Variants in ASIC2 observed in about 807,000 individuals in gnomAD.
The protein encoded by ASIC2 is acid-sensing ion channel 2.
A neutral mutation model predicts 57.3 loss-of-function variants in ASIC2; 25 were observed. The observed-to-expected ratio is 0.44, with a 90% confidence interval of 0.32 to 0.61. The LOEUF (loss-of-function observed/expected upper bound fraction) is 0.61. Ranked by LOEUF, ASIC2 falls within the 20% of genes least tolerant of loss-of-function variation. The pLI is 0.06. For synonymous variants in ASIC2, 319 were observed against 307.5 expected (o/e 1.04, Z -0.39); for missense variants, 641 against 738.1 (o/e 0.87, Z 1.52).
At chr17:34,023,860 T>C (rs554260517) in intron 1 of ASIC2, among the ~76,000 whole-genome samples, 26 of 152,340 alleles carry the variant, frequency 1.7e-4, no homozygotes, top group African/African-American at 6.0e-4. Context: ...AGTTCTTTAC[T>C]GGGTAAATGT....
chr17:33,896,385 G>T (rs1401476001), intron 1 of ASIC2, among the ~76,000 whole-genome samples: 3 of 152,146 alleles, frequency 2.0e-5, no homozygotes, highest in South Asian at 4.1e-4. Flanking sequence ...ATGTTTTTTT[G>T]GGGGGAATCT....
At chr17:33,580,211 A>G (rs552062487) in intron 1 of ASIC2, 2 of 152,134 alleles carry the variant, frequency 1.3e-5, no homozygotes, top group Non-Finnish European at 2.9e-5. Context: ...ATTCAGATGG[A>G]TATCAATTCC....
chr17:33,595,247 AG>A (rs1904946085), intron 1 of ASIC2, among the ~76,000 whole-genome samples: 1 of 152,216 alleles, frequency 6.6e-6, no homozygotes, highest in Non-Finnish European at 1.5e-5. Context: ...AAATTAAAAA[AG>A]GTAGAATTGA....
At chr17:33,552,143 C>T (rs569677750) in intron 1 of ASIC2, among the ~76,000 whole-genome samples, 3 of 152,298 alleles carry the variant, frequency 2.0e-5, no homozygotes, top group Non-Finnish European at 4.4e-5. Context: ...AGAGAGTTAA[C>T]GAATTTGAAG....
chr17:33,388,419 C>T (rs1212502069), intron 1 of ASIC2, among the ~76,000 whole-genome samples: 1 of 152,192 alleles, frequency 6.6e-6, no homozygotes, highest in Non-Finnish European at 1.5e-5. Context: ...ACAGTTTTCA[C>T]CTTTGTAGAA....
chr17:33,418,084 A>G lies in ASIC2; in HGVS notation c.556-306017T>C, dbSNP rs186626634. ...TGTGTGTGTGTGTGTGTGTGCAGCC[A>G]TGCTCCAGTGTGACTGTCAAGCACA... On this transcript the variant is annotated intron_variant, in intron 1 of 9. Coordinates refer to the ASIC2 transcript ENST00000359872. Among the ~76,000 whole-genome samples the G allele has an allele frequency of 9.2e-5, 13 of 141,090 alleles. 1 individual carries two copies. Among genetic ancestry groups the G allele is most frequent in the Admixed American group, 8.5e-4 (12 of 14,200 alleles). The allele number at this position is 141,090 out of a possible 152,430, so 92.6% of individuals were successfully genotyped here.
At chr17:33,882,172 G>A (rs1914716229) in intron 1 of ASIC2, among the ~76,000 whole-genome samples, 1 of 152,142 alleles carries the variant, frequency 6.6e-6, no homozygotes, top group East Asian at 1.9e-4. Context: ...AGAAAACCTA[G>A]GCATTACCAT....
At chr17:33,562,582 T>C (rs1317308282) in intron 1 of ASIC2, among the ~76,000 whole-genome samples, 1 of 152,170 alleles carries the variant, frequency 6.6e-6, no homozygotes, top group Non-Finnish European at 1.5e-5. Context: ...GTCACACTCT[T>C]GTGCATCGGA....
intron 1 of ASIC2, among the ~76,000 whole-genome samples, chr17:34,124,415 G>A (rs1454339662): frequency 6.6e-6 from 1 of 152,088 alleles, no homozygotes; most frequent in Non-Finnish European, 1.5e-5. Context: ...GTACTGCTAG[G>A]GAGATCACTC....
upstream of ASIC2, among the ~76,000 whole-genome samples, chr17:33,295,825 C>T (rs115088125): frequency 4.2e-3 from 635 of 152,212 alleles, 5 homozygotes; most frequent in African/African-American, 0.014. Flanking sequence ...TCCAACTCTG[C>T]GGGGGAGGTA....
chr17:33,511,493 C>T (rs73273277), intron 1 of ASIC2, among the ~76,000 whole-genome samples: 40,733 of 151,984 alleles, frequency 0.27, 6,785 homozygotes, highest in African/African-American at 0.47. Context: ...TTGCCCTAGC[C>T]AGAAAATGGG....
intron 1 of ASIC2, among the ~76,000 whole-genome samples, chr17:34,132,408 C>G (rs35281363): frequency 0.47 from 70,671 of 151,520 alleles, 16,787 homozygotes; most frequent in Middle Eastern, 0.54. Flanking sequence ...GGATGGAGTG[C>G]GAGCCGGGTG....
chr17:33,803,221 G>A (rs932396081), intron 1 of ASIC2, among the ~76,000 whole-genome samples: 3 of 152,178 alleles, frequency 2.0e-5, no homozygotes, highest in African/African-American at 7.2e-5. Context: ...GAAAACATCA[G>A]GGGTAAAGAG....
At chr17:33,048,599 G>C (rs909194211) in intron 3 of ASIC2, among the ~76,000 whole-genome samples, 2 of 152,204 alleles carry the variant, frequency 1.3e-5, no homozygotes, top group African/African-American at 4.8e-5. Context: ...TCAGTCAAGA[G>C]AGACCACGTC....
chr17:33,214,498 A>G (rs768629085), intron 1 of ASIC2, among the ~76,000 whole-genome samples: 9 of 152,190 alleles, frequency 5.9e-5, no homozygotes, highest in Non-Finnish European at 8.8e-5. Flanking sequence ...AGGCTCCTAA[A>G]TCTATCCCTT....
chr17:33,865,572 TTCCTC>T (rs1319246728), intron 1 of ASIC2, among the ~76,000 whole-genome samples: 1 of 152,106 alleles, frequency 6.6e-6, no homozygotes, highest in Non-Finnish European at 1.5e-5. Context: ...TCTGCTTTCT[TTCCTC>T]TAATCTATGG....
At chr17:33,394,938 C>T (rs1910023429) in intron 1 of ASIC2, among the ~76,000 whole-genome samples, 1 of 152,038 alleles carries the variant, frequency 6.6e-6, no homozygotes, top group African/African-American at 2.4e-5. Flanking sequence ...CTCATTCATT[C>T]ACCCATCCAT....
At chr17:33,633,109 C>G (rs1906227443) in intron 1 of ASIC2, among the ~76,000 whole-genome samples, 1 of 152,198 alleles carries the variant, frequency 6.6e-6, no homozygotes. Flanking sequence ...TCAGTGCTGC[C>G]TTTCTTCTCC....
Position 33,252,386 on chromosome 17 carries a change from T to C in ASIC2, c.708+39022A>G, listed in dbSNP as rs922480139. Among the ~76,000 whole-genome samples the C allele has an allele frequency of 7.2e-5, 11 of 152,062 alleles. No homozygotes were observed. The East Asian group carries it at 7.7e-4, about 11-fold the overall frequency. ...CTGCTACAAACAGCTTTTGTTAGAG[T>C]CCGCTCTGTTCTAGGACAAATTGGT... On this transcript the variant is annotated intron_variant, in intron 1 of 9. Transcript: ENST00000225823.
Sources: gnomAD v4.1 joint callset for allele counts (sites outside exome capture counted in the v4.1 genomes callset) on GRCh38, gnomAD v4.1.1 for gene constraint, MANE v1.5 for transcripts, NCBI Gene and HGNC (gene_info 2026-07-23, HGNC 2026-07-21) for gene names.